HSD11B2: variants seen among roughly 807,000 people sequenced by gnomAD.
HSD11B2 encodes 11-beta-hydroxysteroid dehydrogenase type 2.
A neutral mutation model predicts 20.9 loss-of-function variants in HSD11B2; 17 were observed. The ratio of observed to expected loss-of-function variants is 0.81; its 90% CI spans 0.56 to 1.22. The LOEUF is 1.22. Among genes scored for constraint, HSD11B2 ranks in the 50% most tolerant of loss-of-function variants. The pLI is 0.00. For synonymous variants in HSD11B2, 253 were observed against 255.4 expected (o/e 0.99, Z 0.09); for missense variants, 480 against 563.6 (o/e 0.85, Z 1.50).
chr16:67,435,422 G>A (rs753757985), intron 1 of HSD11B2: 4 of 662,690 alleles, frequency 6.0e-6, no homozygotes, highest in Non-Finnish European at 1.1e-5. Flanking sequence ...TCAGGCAGAT[G>A]ACAGCTGTCA....
chr16:67,431,100 C>A, upstream of HSD11B2: 1 of 198,866 alleles, frequency 5.0e-6, no homozygotes, highest in Non-Finnish European at 9.0e-6. Context: ...TCTTCATAAG[C>A]TCGGCCCGAG....
At position 67,431,195 on chromosome 16, in the gene HSD11B2, C is replaced by T; in HGVS notation, c.-54C>T. ...GCGCCCCGGCCTAGAAGCTCTCTCT[C>T]CCCGCTCCCCGGCCCGGCCCCCGCC... On this transcript the variant is annotated 5_prime_UTR_variant, in exon 1 of 5. Coordinates refer to ENST00000326152, the MANE Select transcript of HSD11B2 (RefSeq NM_000196.4). 9.5e-7 allele frequency: 1 copy of T among 1,051,118 alleles called. No individual in the cohort carries two copies. Among genetic ancestry groups the T allele is most frequent in the Non-Finnish European group, 1.2e-6 (1 of 850,806 alleles). 65.1% of individuals were successfully genotyped at this position (1,051,118 alleles called of 1,614,324 possible). A position where few individuals can be genotyped will look rare whatever the true frequency, so the allele number is the denominator to read the frequency against.
chr16:67,434,874 A>G (rs2040958077), intron 1 of HSD11B2, among the ~76,000 whole-genome samples: 1 of 152,120 alleles, frequency 6.6e-6, no homozygotes, highest in Non-Finnish European at 1.5e-5. Flanking sequence ...TAAAAATACA[A>G]AACTTAGCCA....
At chr16:67,433,676 ATGTG>A (rs1313942918) in intron 1 of HSD11B2, among the ~76,000 whole-genome samples, 1 of 143,380 alleles carries the variant, frequency 7.0e-6, no homozygotes, top group Non-Finnish European at 1.5e-5. Flanking sequence ...GCACATATGC[ATGTG>A]TGTGTCTACA....
intron 1 of HSD11B2, chr16:67,433,316 GC>G (rs1373914844): frequency 1.3e-5 from 2 of 152,256 alleles, no homozygotes; most frequent in African/African-American, 4.8e-5. Flanking sequence ...GCCTGGCAGA[GC>G]TGCTACTCCC....
At chr16:67,431,536 G>A (rs978854602) in intron 1 of HSD11B2, 23 bp downstream of exon 1, 8 of 1,352,748 alleles carry the variant, frequency 5.9e-6, no homozygotes, top group Non-Finnish European at 7.6e-6. Flanking sequence ...GTCGCGGAGC[G>A]CGGGGACTCC....
At position 67,431,192 on chromosome 16, in the gene HSD11B2, T is replaced by C; in HGVS notation, c.-57T>C. ...TCCGCGCCCCGGCCTAGAAGCTCTC[T>C]CTCCCCGCTCCCCGGCCCGGCCCCC... On this transcript the variant is annotated 5_prime_UTR_variant, in exon 1 of 5. Coordinates refer to ENST00000326152, the MANE Select transcript of HSD11B2 (RefSeq NM_000196.4). The C allele has an allele frequency of 9.8e-7, 1 of 1,025,070 alleles. No homozygotes were observed. The highest frequency in any genetic ancestry group is 4.3e-5 in the South Asian group (1 of 23,416). 63.5% of individuals were successfully genotyped at this position (1,025,070 alleles called of 1,614,324 possible). A position where few individuals can be genotyped will look rare whatever the true frequency, so the allele number is the denominator to read the frequency against.
At position 67,436,304 on chromosome 16, in the gene HSD11B2, G is replaced by A. The variant is rs45573731; in HGVS notation, c.720G>A (p.Ala240=). The change falls in exon 4 of 5, where the codon GCG becomes GCA. Residue 240 remains alanine, a synonymous_variant. Coordinates refer to ENST00000326152, the MANE Select transcript of HSD11B2 (RefSeq NM_000196.4). This position sits in a 1 kb window ranked among gnomAD's most constrained non-coding sequence, Gnocchi z 5.7. ...ATGGAACCTCCAAAGCGGCCGTGGC[G>A]CTACTCATGGACACATTCAGCTGTG... The part of the protein sequence containing the change: ...GAYGTSKAAV[A]LLMDTFSCEL... 1.6e-4 allele frequency: 258 copies of A among 1,612,648 alleles called. No individual in the cohort carries two copies. Among genetic ancestry groups the A allele is most frequent in the Middle Eastern group, 3.3e-4 (2 of 6,062 alleles).
intron 1 of HSD11B2, among the ~76,000 whole-genome samples, chr16:67,433,655 C>G (rs1212924956): frequency 6.6e-6 from 1 of 151,146 alleles, no homozygotes; most frequent in African/African-American, 2.4e-5. Context: ...CTGAGGGGGA[C>G]CCGGACAAGT....
Position 67,436,898 on chromosome 16 carries a change from T to C in HSD11B2, c.1113T>C (p.Cys371=), listed in dbSNP as rs2040980486. Reference sequence around the variant, plus strand: ...TGCAGGCCTTCTTCATCAGTCACTGTCTGCCTCGAGCACTGCAGCCTGGCC... The same window carrying C: ...TGCAGGCCTTCTTCATCAGTCACTGCCTGCCTCGAGCACTGCAGCCTGGCC... The part of the protein sequence containing the change: ...RFLQAFFISH[C]LPRALQPGQP... The change falls in exon 5 of 5, where the codon TGT becomes TGC. Residue 371 remains cysteine (C), a synonymous_variant. Coordinates refer to ENST00000326152, the MANE Select transcript of HSD11B2 (RefSeq NM_000196.4). This position sits in a 1 kb window ranked among gnomAD's most constrained non-coding sequence, Gnocchi z 5.7. The C allele has an allele frequency of 2.5e-6, 4 of 1,613,216 alleles. No individual in the cohort carries two copies. Among genetic ancestry groups the C allele is most frequent in the South Asian group, 1.1e-5 (1 of 91,092 alleles).
chr16:67,431,872 G>T (rs1292944199), intron 1 of HSD11B2, among the ~76,000 whole-genome samples: 1 of 152,154 alleles, frequency 6.6e-6, no homozygotes, highest in Non-Finnish European at 1.5e-5. Flanking sequence ...CCTTGAGAAG[G>T]GAGGATCGTT....
chr16:67,434,099 C>T (rs1403923578), intron 1 of HSD11B2, among the ~76,000 whole-genome samples: 3 of 152,214 alleles, frequency 2.0e-5, no homozygotes, highest in African/African-American at 4.8e-5. Flanking sequence ...TGGTTCTTCT[C>T]TTCGCATACC....
In HSD11B2 at chr16:67,437,217, G is replaced by GAGCCC. The variant is rs1198807194; in HGVS notation, c.*216_*220dup. ...CCTCTGCGCCTCTCCACTGTTTCAT[G>GAGCCC]AGCCCAAACACCCTCCTGGCACAAC... On this transcript the variant is annotated 3_prime_UTR_variant, in exon 5 of 5. Coordinates refer to ENST00000326152, the MANE Select transcript of HSD11B2 (RefSeq NM_000196.4). 2 of 604,654 alleles carry GAGCCC rather than the reference G, an allele frequency of 3.3e-6. No individual in the cohort carries two copies. The highest frequency in any genetic ancestry group is 5.9e-6 in the Non-Finnish European group (2 of 340,842). 37.5% of individuals were successfully genotyped at this position (604,654 alleles called of 1,614,324 possible).
At position 67,436,740 on chromosome 16, in the gene HSD11B2, A is replaced by G. The variant is rs2040978103; in HGVS notation, c.955A>G (p.Thr319Ala). 6.2e-7 allele frequency: 1 copy of G among 1,613,782 alleles called. No individual in the cohort carries two copies. The highest frequency in any genetic ancestry group is 1.7e-5 in the Admixed American group (1 of 60,000). The change falls in exon 5 of 5, where the codon ACC becomes GCC. Residue 319 changes from threonine (T) to alanine (A), a missense_variant. Thr to Ala is a moderately conservative substitution (Grantham distance 58). Around this residue, in one of 2 missense-constraint regions of HSD11B2, gnomAD observed 374 missense variants for 480.9 expected, o/e 0.78. Transcript: ENST00000326152. This position sits in a 1 kb window ranked among gnomAD's most constrained non-coding sequence, Gnocchi z 5.7. Reference protein sequence around the residue: ...HSLRLAMSDLTPVVDAITDAL... With the variant: ...HSLRLAMSDLAPVVDAITDAL... The stretch of plus-strand genomic sequence containing the variant: ...GCTACGCCTGGCCATGTCCGACCTC[A>G]CCCCAGTTGTAGATGCCATCACAGA...
At position 67,436,576 on chromosome 16, in the gene HSD11B2, C is replaced by T; in HGVS notation, c.803-12C>T. 3 of 1,613,920 alleles carry T rather than the reference C, an allele frequency of 1.9e-6. No homozygotes were observed. The highest frequency in any genetic ancestry group is 2.5e-6 in the Non-Finnish European group (3 of 1,179,898). ...AGCTGATCCCACTCTGACCTTGCCACTCCTTCCCCAGAGTCAGTGAGAAAC... is the reference window on the plus strand; with the variant it reads ...AGCTGATCCCACTCTGACCTTGCCATTCCTTCCCCAGAGTCAGTGAGAAAC... On this transcript the variant is annotated splice_polypyrimidine_tract_variant and intron_variant, in intron 4 of 4. Transcript: ENST00000326152. This position sits in a 1 kb window ranked among gnomAD's most constrained non-coding sequence, Gnocchi z 5.7.
At chr16:67,432,074 C>T (rs1468021424) in intron 1 of HSD11B2, among the ~76,000 whole-genome samples, 1 of 152,128 alleles carries the variant, frequency 6.6e-6, no homozygotes, top group Non-Finnish European at 1.5e-5. Flanking sequence ...GTCTAGCCAC[C>T]CACTGCCAAA....
In HSD11B2 at chr16:67,431,233, A is replaced by G; in HGVS notation, c.-16A>G. On this transcript the variant is annotated 5_prime_UTR_variant, in exon 1 of 5. Coordinates refer to ENST00000326152, the MANE Select transcript of HSD11B2 (RefSeq NM_000196.4). ...CCCGGCCCCCGCCCCGCCCCGCCCC[A>G]GCCCGCTGGGCCGCCATGGAGCGCT... The G allele has an allele frequency of 8.4e-7, 1 of 1,188,204 alleles. No homozygotes were observed. Among genetic ancestry groups the G allele is most frequent in the East Asian group, 4.1e-5 (1 of 24,420 alleles). The allele number at this position is 1,188,204 out of a possible 1,614,324, so 73.6% of individuals were successfully genotyped here.
rs1182458705 is a variant in HSD11B2 at position 67,431,210 on chromosome 16, C to T, written c.-39C>T. 8 of 1,124,294 alleles carry T rather than the reference C, an allele frequency of 7.1e-6. No homozygotes were observed. Among genetic ancestry groups the T allele is most frequent in the Middle Eastern group, 3.7e-4 (1 of 2,692 alleles). The allele number at this position is 1,124,294 out of a possible 1,614,324, so 69.6% of individuals were successfully genotyped here. On this transcript the variant is annotated 5_prime_UTR_variant, in exon 1 of 5. Transcript: ENST00000326152. Reference sequence around the variant, plus strand: ...AGCTCTCTCTCCCCGCTCCCCGGCCCGGCCCCCGCCCCGCCCCGCCCCAGC... The same window carrying T: ...AGCTCTCTCTCCCCGCTCCCCGGCCTGGCCCCCGCCCCGCCCCGCCCCAGC...
At chr16:67,433,965 C>G (rs1233712802) in intron 1 of HSD11B2, among the ~76,000 whole-genome samples, 1 of 152,128 alleles carries the variant, frequency 6.6e-6, no homozygotes, top group African/African-American at 2.4e-5. Flanking sequence ...GAACAGAAAG[C>G]CTCCCTGCTC....
Sources: allele counts gnomAD v4.1 joint callset (sites outside exome capture counted in the v4.1 genomes callset), GRCh38; gene constraint gnomAD v4.1.1; regional missense constraint gnomAD v4.1.1; non-coding constraint Gnocchi (gnomAD v3.1); transcripts MANE v1.5; gene names NCBI Gene and HGNC (gene_info 2026-07-23, HGNC 2026-07-21).